Variants in LAMA3 observed in about 807,000 individuals in gnomAD.
LAMA3 encodes the protein laminin subunit alpha 3, also known as laminin subunit alpha-3.
Under a neutral mutation model 402.0 loss-of-function variants are expected in LAMA3, and 281 were observed. The ratio of observed to expected loss-of-function variants is 0.70; its 90% CI spans 0.63 to 0.77. The LOEUF is 0.77. Among genes scored for constraint, LAMA3 ranks in the 30% least tolerant of loss-of-function variants. The pLI, the probability that LAMA3 is intolerant of heterozygous loss-of-function variation, is 0.00. For synonymous variants in LAMA3, 1,431 were observed against 1,558.4 expected, an observed-to-expected ratio of 0.92 and a Z score of 1.93; for missense variants, 3,840 against 4,215.5, an observed-to-expected ratio of 0.91 and a Z score of 2.47.
intron 12 of LAMA3, among the ~76,000 whole-genome samples, chr18:23,807,503 T>C (rs547088213): frequency 2.7e-4 from 41 of 152,092 alleles, no homozygotes; most frequent in African/African-American, 9.4e-4. Context: ...TGTGTGTATG[T>C]GTGTGTAGGG....
intron 59 of LAMA3, among the ~76,000 whole-genome samples, chr18:23,916,070 A>G (rs1380136581): frequency 1.3e-5 from 2 of 150,750 alleles, no homozygotes; most frequent in Non-Finnish European, 3.0e-5. Flanking sequence ...AAAAGAAAAG[A>G]AAAAGTGGTT....
At chr18:23,709,602 A>G (rs1273645922) in intron 1 of LAMA3, among the ~76,000 whole-genome samples, 1 of 152,090 alleles carries the variant, frequency 6.6e-6, no homozygotes, top group Non-Finnish European at 1.5e-5. Context: ...GTGTATGACC[A>G]TGAAGCAGTA....
intron 72 of LAMA3, among the ~76,000 whole-genome samples, chr18:23,950,933 G>C (rs1344416645): frequency 2.0e-5 from 3 of 152,190 alleles, no homozygotes; most frequent in Admixed American, 6.5e-5. Context: ...GAGTCTCTGG[G>C]AGGGAATTAT....
intron 60 of LAMA3, 114 bp downstream of exon 60, chr18:23,916,809 G>A (rs1396374261): frequency 5.0e-6 from 5 of 998,448 alleles, no homozygotes; most frequent in Non-Finnish European, 7.9e-6. Flanking sequence ...ATGTGTAAAT[G>A]TTACCTGCAT....
intron 62 of LAMA3, among the ~76,000 whole-genome samples, chr18:23,926,613 C>T (rs2082009747): frequency 6.6e-6 from 1 of 152,192 alleles, no homozygotes; most frequent in Non-Finnish European, 1.5e-5. Flanking sequence ...AGACACCTTT[C>T]CATTTAGAAA....
chr18:23,837,322 C>T (rs895426949), intron 25 of LAMA3: 46 of 509,644 alleles, frequency 9.0e-5, no homozygotes, highest in Non-Finnish European at 1.4e-4. Flanking sequence ...CACAAAATCC[C>T]GTTTCATTAG....
intron 62 of LAMA3, among the ~76,000 whole-genome samples, chr18:23,922,675 A>G (rs1054198894): frequency 3.3e-5 from 5 of 152,378 alleles, no homozygotes; most frequent in Admixed American, 3.3e-4. Flanking sequence ...ATTTAATATT[A>G]TCAATATCAA....
intron 70 of LAMA3, among the ~76,000 whole-genome samples, chr18:23,948,428 G>A (rs1034934573): frequency 6.6e-6 from 1 of 152,068 alleles, no homozygotes; most frequent in African/African-American, 2.4e-5. Context: ...CCCATCCTGG[G>A]GAGTCCTAGC....
At chr18:23,900,313 C>A (rs868675097) in intron 47 of LAMA3, among the ~76,000 whole-genome samples, 1 of 152,182 alleles carries the variant, frequency 6.6e-6, no homozygotes, top group Non-Finnish European at 1.5e-5. Context: ...TCAAGCAATA[C>A]GCCTGCCTTG....
rs1179264993 is a variant in LAMA3 at position 23,813,081 on chromosome 18, C to CT, written c.1767dup (p.Gly590TrpfsTer17). On this transcript the variant is annotated frameshift_variant, in exon 14 of 75. Coordinates refer to ENST00000313654, the MANE Select transcript of LAMA3 (RefSeq NM_198129.4). LOFTEE classifies it high-confidence loss of function. Reference sequence around the variant, plus strand: ...GGTTCCAGCAGTGCTTGTGACCCAGCTGGTACCATCAACTCCAATTTGGTA... The same window carrying CT: ...GGTTCCAGCAGTGCTTGTGACCCAGCTTGGTACCATCAACTCCAATTTGGTA... The CT allele has an allele frequency of 1.2e-6, 2 of 1,609,368 alleles. No individual in the cohort carries two copies. The highest frequency in any genetic ancestry group is 1.7e-6 in the Non-Finnish European group (2 of 1,175,814).
At position 23,758,584 on chromosome 18, in the gene LAMA3, C is replaced by T. The variant is rs570862197; in HGVS notation, c.1063+73C>T. 5 of 1,139,800 alleles carry T rather than the reference C, an allele frequency of 4.4e-6. No individual in the cohort carries two copies. The African/African-American group carries it at 4.6e-5, about 10-fold the overall frequency. The allele number at this position is 1,139,800 out of a possible 1,614,324, so 70.6% of individuals were successfully genotyped here. Reference sequence around the variant, plus strand: ...CTCCCTGGGGGCTGAGGCTATTTTCCCCATGCTAGAGAAGAGGCTGTGGTC... The same window carrying T: ...CTCCCTGGGGGCTGAGGCTATTTTCTCCATGCTAGAGAAGAGGCTGTGGTC... On this transcript the variant is annotated intron_variant, in intron 7 of 74. Transcript: ENST00000313654.
intron 8 of LAMA3, among the ~76,000 whole-genome samples, chr18:23,766,906 A>C (rs2062087497): frequency 6.6e-6 from 1 of 152,190 alleles, no homozygotes; most frequent in South Asian, 2.1e-4. Context: ...GAAGACATTC[A>C]AATAGCAAAA....
rs2082917680 is a variant in LAMA3, at chr18:23,951,709, C to A, written c.9668C>A (p.Ala3223Glu). The change falls in exon 73 of 75, where the codon GCA becomes GAA. Residue 3223 changes from alanine (A) to glutamate (E), a missense_variant. By Grantham distance (107) the Ala-to-Glu change is moderately radical (BLOSUM62 -1). Around this residue, in one of 3 missense-constraint regions of LAMA3, gnomAD observed 840 missense variants for 981.9 expected, o/e 0.86. Transcript: ENST00000313654. ...GTCACGGCCTCTATGGACAGTGGGG[C>A]AGGTGGGACCTCAACGTCGGTCACA... ...GKVTASMDSGAGGTSTSVTPK... is the reference protein window; with the variant it reads ...GKVTASMDSGEGGTSTSVTPK... 1 of 1,613,738 alleles carries A rather than the reference C, an allele frequency of 6.2e-7. No homozygotes were observed. The highest frequency in any genetic ancestry group is 1.3e-5 in the African/African-American group (1 of 74,886).
chr18:23,874,327 C>CA (rs1257753554), intron 38 of LAMA3, among the ~76,000 whole-genome samples: 1 of 152,180 alleles, frequency 6.6e-6, no homozygotes, highest in Non-Finnish European at 1.5e-5. Context: ...AGAATGACAC[C>CA]ATCATTGGCT....
chr18:23,695,355 G>A (rs921374618), intron 1 of LAMA3, among the ~76,000 whole-genome samples: 4 of 152,180 alleles, frequency 2.6e-5, no homozygotes, highest in East Asian at 1.9e-4. Flanking sequence ...CAGTGTATGC[G>A]TGTTATCCCT....
At position 23,879,391 on chromosome 18, in the gene LAMA3, G is replaced by T. The variant is rs960494036; in HGVS notation, c.5113-2545G>T. Among the ~76,000 whole-genome samples, 4 of 152,172 alleles carry T rather than the reference G, an allele frequency of 2.6e-5. No individual in the cohort carries two copies. Among genetic ancestry groups the T allele is most frequent in the Admixed American group, 2.6e-4 (4 of 15,276 alleles). On this transcript the variant is annotated intron_variant, in intron 39 of 74. Transcript: ENST00000313654. This position sits in a 1 kb window ranked among gnomAD's most constrained non-coding sequence, Gnocchi z 4.2. ...TGCCCTTCCCTCACTTCTGCGCTCA[G>T]TGAATCCCTGTCCTTCTGCGGCCCT... is the stretch of plus-strand genomic sequence containing the variant.
intron 2 of LAMA3, among the ~76,000 whole-genome samples, chr18:23,738,100 G>T (rs1201413747): frequency 6.6e-6 from 1 of 151,954 alleles, no homozygotes; most frequent in Non-Finnish European, 1.5e-5. Context: ...GTGGAGGGAG[G>T]CAAGCCTGGA....
intron 2 of LAMA3, among the ~76,000 whole-genome samples, chr18:23,728,859 T>C (rs966617453): frequency 1.3e-5 from 2 of 151,972 alleles, no homozygotes; most frequent in African/African-American, 4.8e-5. Flanking sequence ...GGTGAAACTC[T>C]GTCTCTACTA....
At chr18:23,831,410 T>G (rs2063487863) in intron 23 of LAMA3, among the ~76,000 whole-genome samples, 1 of 152,122 alleles carries the variant, frequency 6.6e-6, no homozygotes, top group African/African-American at 2.4e-5. Context: ...CAGCATTCTA[T>G]GTTGTATGTA....
Sources: gnomAD v4.1 joint callset for allele counts (sites outside exome capture counted in the v4.1 genomes callset) on GRCh38, gnomAD v4.1.1 for gene constraint, gnomAD v4.1.1 regional missense constraint, Gnocchi (gnomAD v3.1) non-coding constraint, MANE v1.5 for transcripts, NCBI Gene and HGNC (gene_info 2026-07-23, HGNC 2026-07-21) for gene names.